The following ARHGAP30 variants were observed in gnomAD, a reference collection of about 807,000 sequenced individuals.
ARHGAP30 encodes the protein Rho GTPase activating protein 30.
ARHGAP30 carries 23 observed loss-of-function variants against 72.0 expected under a neutral mutation model. That is an observed-to-expected ratio of 0.32 (90% CI 0.23 to 0.45). The LOEUF is 0.45. ARHGAP30 is among the 20% of genes least tolerant of loss of function. The probability of loss-of-function intolerance (pLI) is 1.00; values close to 1 mark genes in which losing one functional copy is unlikely to be tolerated. For missense variants in ARHGAP30, 1,319 were observed against 1,383.4 expected, an observed-to-expected ratio of 0.95 and a Z score of 0.74; for synonymous variants, 576 against 528.2, an observed-to-expected ratio of 1.09 and a Z score of -1.24.
intron 10 of ARHGAP30, 92 bp downstream of exon 10, chr1:161,051,222 C>CT (rs898631305): frequency 1.0e-4 from 152 of 1,493,100 alleles, no homozygotes; most frequent in Non-Finnish European, 1.2e-4. Context: ...GCTGAGGCCT[C>CT]TGCCCTTCCT....
At chr1:161,059,773 C>T in intron 1 of ARHGAP30, 57 bp from the exon 2 acceptor site, 1 of 1,453,308 alleles carries the variant, frequency 6.9e-7, no homozygotes, top group Non-Finnish European at 9.5e-7. Flanking sequence ...TGGTCAAAGA[C>T]TGCACTGGGT....
intron 1 of ARHGAP30, among the ~76,000 whole-genome samples, chr1:161,067,045 C>A (rs1017424976): frequency 6.6e-6 from 1 of 152,114 alleles, no homozygotes; most frequent in Non-Finnish European, 1.5e-5. Flanking sequence ...TTAAAGGGGA[C>A]ACTCAAAAGC....
At chr1:161,068,022 T>A (rs1268374118) in intron 1 of ARHGAP30, among the ~76,000 whole-genome samples, 2 of 152,112 alleles carry the variant, frequency 1.3e-5, no homozygotes, top group African/African-American at 4.8e-5. Context: ...CTCTAGAGAG[T>A]GTGCCCCTTC....
chr1:161,051,184 C>G, intron 10 of ARHGAP30, 130 bp downstream of exon 10: 1 of 1,442,658 alleles, frequency 6.9e-7, no homozygotes, highest in Admixed American at 2.4e-5. Flanking sequence ...AGGGAGGCAG[C>G]TAAAGGTAAC....
rs1055101060 is a variant in ARHGAP30 at position 161,069,650 on chromosome 1, G to A, written c.-26C>T. ...GGCCAGAGCCCCAGGGCACTGGCCC[G>A]GTCACCTCTATCCCCCAAGACCTGT... On this transcript the variant is annotated 5_prime_UTR_variant, in exon 1 of 12. Transcript: ENST00000368013. This position sits in a 1 kb window ranked among gnomAD's most constrained non-coding sequence, Gnocchi z 4.9. 1.5e-5 allele frequency: 24 copies of A among 1,601,912 alleles called. No individual in the cohort carries two copies. Among genetic ancestry groups the A allele is most frequent in the Non-Finnish European group, 2.0e-5 (23 of 1,176,500 alleles).
At chr1:161,059,807 C>T in intron 1 of ARHGAP30, 91 bp from the exon 2 acceptor site, 2 of 1,063,358 alleles carry the variant, frequency 1.9e-6, no homozygotes, top group South Asian at 1.5e-5. Flanking sequence ...TTTGGGGAGA[C>T]CACGACGAGC....
chr1:161,067,986 A>G (rs997589670), intron 1 of ARHGAP30, among the ~76,000 whole-genome samples: 1 of 94,136 alleles, frequency 1.1e-5, no homozygotes, highest in African/African-American at 4.7e-5. Flanking sequence ...TAGGATCAGG[A>G]TTCAGCAATC....
In ARHGAP30 at chr1:161,052,347, C is replaced by G. The variant is rs745789069; in HGVS notation, c.957G>C (p.Lys319Asn). Reference protein sequence around the residue: ...GAEDREDKSNKGTLRPAKSMD... With the variant: ...GAEDREDKSNNGTLRPAKSMD... Reference sequence around the variant, plus strand: ...TGCTTTTGGCTGGCCGCAGTGTCCCCTTGTTGGATTTATCCTCTGTAAGAC... The same window carrying G: ...TGCTTTTGGCTGGCCGCAGTGTCCCGTTGTTGGATTTATCCTCTGTAAGAC... The change falls in exon 9 of 12, where the codon AAG becomes AAC. Residue 319 changes from lysine to asparagine, a missense_variant. Around this residue, in one of 2 missense-constraint regions of ARHGAP30, gnomAD observed 1,097 missense variants for 1,045.2 expected, o/e 1.05. Transcript: ENST00000368013. 8.7e-6 allele frequency: 14 copies of G among 1,613,902 alleles called. No homozygotes were observed. Among genetic ancestry groups the G allele is most frequent in the Non-Finnish European group, 1.0e-5 (12 of 1,180,028 alleles).
intron 6 of ARHGAP30, 97 bp from the exon 7 acceptor site, chr1:161,052,894 G>A: frequency 6.9e-7 from 1 of 1,443,384 alleles, no homozygotes; most frequent in Admixed American, 2.1e-5. Flanking sequence ...TACCAGGTTA[G>A]GGATATATTC....
rs1186258251 is a variant in ARHGAP30 at position 161,052,676 on chromosome 1, TC to T, written c.785del (p.Gly262AspfsTer23). ...HLPSILQAGD[G>X]PPQMRPYHTI... is the part of the protein sequence containing the mutation. ...TATGGTAGGGCCGCATCTGTGGGGG[TC>T]CATCGCCAGCCTGCAGTATGCTAGG... On this transcript the variant is annotated frameshift_variant, in exon 7 of 12. Coordinates refer to ENST00000368013, the MANE Select transcript of ARHGAP30 (RefSeq NM_001025598.2). LOFTEE classifies it high-confidence loss of function. 1 of 1,613,604 alleles carries T rather than the reference TC, an allele frequency of 6.2e-7. No homozygotes were observed. Among genetic ancestry groups the T allele is most frequent in the East Asian group, 2.2e-5 (1 of 44,868 alleles).
intron 11 of ARHGAP30, 28 bp downstream of exon 11, chr1:161,049,396 C>T (rs749509929): frequency 6.3e-7 from 1 of 1,598,244 alleles, no homozygotes; most frequent in Non-Finnish European, 8.5e-7. Context: ...CTCCATGCCA[C>T]CCCCAAACCC....
chr1:161,053,389 T>TGGA lies in ARHGAP30; in HGVS notation c.537-7_537-5dup. 6.2e-7 allele frequency: 1 copy of TGGA among 1,613,402 alleles called. No homozygotes were observed. Among genetic ancestry groups the TGGA allele is most frequent in the Non-Finnish European group, 8.5e-7 (1 of 1,179,834 alleles). On this transcript the variant is annotated splice_region_variant and splice_polypyrimidine_tract_variant and intron_variant, in intron 5 of 11. Transcript: ENST00000368013. Reference sequence around the variant, plus strand: ...TGAGGCCTCTATGTCCTTAGACCTGTGGAGATGTGGAATTATTCTCCCCCT... The same window carrying TGGA: ...TGAGGCCTCTATGTCCTTAGACCTGTGGAGGAGATGTGGAATTATTCTCCCCCT...
intron 3 of ARHGAP30, 98 bp from the exon 4 acceptor site, chr1:161,054,803 C>CAGAGTCCAGTGCACA: frequency 3.8e-6 from 4 of 1,056,274 alleles, no homozygotes; most frequent in Non-Finnish European, 5.9e-6. Context: ...ACAATGTGCA[C>CAGAGTCCAGTGCACA]TGGACTCTGT....
At chr1:161,053,462 T>TTCTCTCCCTCTCTCTCTC in intron 5 of ARHGAP30, 77 bp from the exon 6 acceptor site, 1 of 689,136 alleles carries the variant, frequency 1.5e-6, no homozygotes. Context: ...AAATACCTTA[T>TTCTCTCCCTCTCTCTCTC]TCTCTCTCTC....
chr1:161,055,804 T>TAATAAAATAAAATAAAATAA (rs1164321296), intron 3 of ARHGAP30, among the ~76,000 whole-genome samples: 7 of 45,142 alleles, frequency 1.6e-4, no homozygotes, highest in South Asian at 6.6e-4. Context: ...TAAAATAAAA[T>TAATAAAATAAAATAAAATAA]AATAAAATAA....
At chr1:161,067,770 G>T (rs1388211797) in intron 1 of ARHGAP30, among the ~76,000 whole-genome samples, 1 of 152,110 alleles carries the variant, frequency 6.6e-6, no homozygotes, top group African/African-American at 2.4e-5. Context: ...CGAAAACAAA[G>T]ATCTCTCTGC....
intron 1 of ARHGAP30, chr1:161,060,337 T>C: frequency 5.7e-6 from 2 of 349,060 alleles, no homozygotes; most frequent in South Asian, 4.2e-5. Flanking sequence ...GTCTCATGCC[T>C]GTAATCCCAA....
At position 161,049,329 on chromosome 1, in the gene ARHGAP30, C is replaced by T. The variant is rs141806544; in HGVS notation, c.1692G>A (p.Glu564=). Residue 564 remains glutamate, a synonymous_variant, in exon 12 of 12, where the codon GAG becomes GAA. Coordinates refer to ENST00000368013, the MANE Select transcript of ARHGAP30 (RefSeq NM_001025598.2). ...CCAGGGGTGGCTCCACAGAGAACTC[C>T]TCCACCTGTAGGCACAGCATTGTGA... The part of the protein sequence containing the change: ...EELLGVGPQV[E]EFSVEPPLDD... The T allele has an allele frequency of 1.0e-4, 161 of 1,612,600 alleles. No homozygotes were observed. The African/African-American group carries it at 2.0e-3, about 20-fold the overall frequency.
chr1:161,055,186 T>C (rs1651730576), intron 3 of ARHGAP30, among the ~76,000 whole-genome samples: 2 of 152,222 alleles, frequency 1.3e-5, no homozygotes, highest in South Asian at 4.1e-4. Flanking sequence ...ATTTTTCATG[T>C]GTTTTCGCAT....
Sources: allele counts gnomAD v4.1 joint callset (sites outside exome capture counted in the v4.1 genomes callset), GRCh38; gene constraint gnomAD v4.1.1; regional missense constraint gnomAD v4.1.1; non-coding constraint Gnocchi (gnomAD v3.1); transcripts MANE v1.5; gene names NCBI Gene and HGNC (gene_info 2026-07-23, HGNC 2026-07-21).